Variants in ADGRG3 observed in about 807,000 individuals in gnomAD.
The protein encoded by ADGRG3 is adhesion G protein-coupled receptor G3, also known as G protein-coupled receptor 97.
ADGRG3 carries 39 observed loss-of-function variants against 54.3 expected under a neutral mutation model. The observed-to-expected ratio is 0.72, with a 90% CI of 0.56 to 0.94. The LOEUF is 0.94. Among genes scored for constraint, ADGRG3 ranks in the 40% least tolerant of loss-of-function variants. ADGRG3 has a pLI of 0.00. For synonymous variants in ADGRG3, 312 were observed against 290.0 expected (o/e 1.08, Z -0.77); for missense variants, 654 against 694.6 (o/e 0.94, Z 0.66).
intron 10 of ADGRG3, among the ~76,000 whole-genome samples, chr16:57,685,131 C>T (rs1382234948): frequency 6.6e-6 from 1 of 152,198 alleles, no homozygotes; most frequent in Non-Finnish European, 1.5e-5. Flanking sequence ...CCACTGGGCC[C>T]ATGGCTCTGT....
In ADGRG3 at chr16:57,688,653, G is replaced by T. The variant is rs1401115660; in HGVS notation, c.*192G>T. On this transcript the variant is annotated 3_prime_UTR_variant, in exon 12 of 12. Transcript: ENST00000333493. ...TCCAACTATAGGTCCAAGAGTCCAC[G>T]TAAGCAGGTTTGCAAGGCTCTAAAG... The T allele has an allele frequency of 6.8e-6, 4 of 584,934 alleles. No individual in the cohort carries two copies. The highest frequency in any genetic ancestry group is 1.9e-5 in the African/African-American group (1 of 53,594). 36.2% of individuals were successfully genotyped at this position (584,934 alleles called of 1,614,324 possible).
At chr16:57,676,731 G>C (rs763833972) in intron 3 of ADGRG3, among the ~76,000 whole-genome samples, 2 of 152,242 alleles carry the variant, frequency 1.3e-5, no homozygotes, top group Non-Finnish European at 2.9e-5. Context: ...CAGGTGCAGT[G>C]GTGCACACCC....
Position 57,684,011 on chromosome 16 carries a change from C to G in ADGRG3, c.961C>G (p.Leu321Val), listed in dbSNP as rs1374362374. Residue 321 changes from leucine (L) to valine (V), a missense_variant, in exon 9 of 12, where the codon CTG becomes GTG. Leu to Val is a conservative substitution (Grantham distance 32, BLOSUM62 1). Coordinates refer to ENST00000333493, the MANE Select transcript of ADGRG3 (RefSeq NM_170776.5). ...ALGGSLFLLN[L>V]AFLVNVGSGS... Reference sequence around the variant, plus strand: ...GGGTGGCAGCCTGTTCCTCCTGAATCTGGCCTTCTTGGTCAATGTGGGGAG... The same window carrying G: ...GGGTGGCAGCCTGTTCCTCCTGAATGTGGCCTTCTTGGTCAATGTGGGGAG... 1.9e-6 allele frequency: 3 copies of G among 1,611,284 alleles called. No homozygotes were observed. Among genetic ancestry groups the G allele is most frequent in the Non-Finnish European group, 2.5e-6 (3 of 1,177,992 alleles).
intron 6 of ADGRG3, 144 bp from the exon 7 acceptor site, chr16:57,680,116 CTATAT>C: frequency 2.0e-6 from 1 of 507,394 alleles, no homozygotes; most frequent in African/African-American, 2.8e-5. Flanking sequence ...CCTCCCCTCC[CTATAT>C]TCCCTTCCCC....
chr16:57,683,796 G>A (rs2048419679), intron 8 of ADGRG3, 136 bp from the exon 9 acceptor site: 6 of 627,972 alleles, frequency 9.6e-6, no homozygotes, highest in Non-Finnish European at 1.5e-5. Context: ...CGGCAGGGAT[G>A]GAAGCTGGAT....
chr16:57,684,858 C>A (rs1043787834), intron 10 of ADGRG3, among the ~76,000 whole-genome samples: 2 of 152,174 alleles, frequency 1.3e-5, no homozygotes, highest in Non-Finnish European at 2.9e-5. Context: ...TCAGCCCCCA[C>A]CTGCTGCCCA....
chr16:57,677,184 A>G (rs1349412085), intron 3 of ADGRG3, among the ~76,000 whole-genome samples: 5 of 152,224 alleles, frequency 3.3e-5, no homozygotes, highest in Non-Finnish European at 7.3e-5. Flanking sequence ...CTTCAGCTCC[A>G]GCCATAAACC....
At chr16:57,679,511 C>CCA (rs2148706025) in intron 5 of ADGRG3, among the ~76,000 whole-genome samples, 200 bp downstream of exon 5, 1 of 152,232 alleles carries the variant, frequency 6.6e-6, no homozygotes, top group South Asian at 2.1e-4. Flanking sequence ...CCTGGCAAGC[C>CCA]CACCTGCATA....
At chr16:57,671,556 A>G (rs770710840) in intron 1 of ADGRG3, among the ~76,000 whole-genome samples, 3 of 151,992 alleles carry the variant, frequency 2.0e-5, no homozygotes, top group Non-Finnish European at 2.9e-5. Flanking sequence ...GCTGGTCTCA[A>G]ACTCCTGACC....
chr16:57,685,190 C>T (rs543264517), intron 10 of ADGRG3, among the ~76,000 whole-genome samples: 1 of 152,164 alleles, frequency 6.6e-6, no homozygotes, highest in African/African-American at 2.4e-5. Context: ...GCCTCAAAAG[C>T]AGGGGCCCCA....
In ADGRG3 at chr16:57,680,512, C is replaced by T. The variant is rs1167194382; in HGVS notation, c.776C>T (p.Thr259Ile). The T allele has an allele frequency of 2.5e-6, 4 of 1,613,640 alleles. No individual in the cohort carries two copies. The highest frequency in any genetic ancestry group is 4.5e-5 in the East Asian group (2 of 44,784). ...LTFFALLLRP[T>I]LDQSTVHILT... ...TTCTGGGGTCACCCACAGAGACCCA[C>T]CTTGGACCAGTCCACGGTGCATATC... The change falls in exon 8 of 12, where the codon ACC (threonine) becomes ATC (isoleucine). Residue 259 changes from threonine (T) to isoleucine (I), a missense_variant. Transcript: ENST00000333493.
intron 1 of ADGRG3, 34 bp from the exon 2 acceptor site, chr16:57,673,287 C>T (rs771109494): frequency 1.9e-5 from 30 of 1,589,674 alleles, no homozygotes; most frequent in Non-Finnish European, 2.4e-5. Flanking sequence ...CATCTTCGTC[C>T]AGCCCATTCA....
intron 2 of ADGRG3, 80 bp from the exon 3 acceptor site, chr16:57,676,120 C>T: frequency 7.4e-7 from 1 of 1,353,814 alleles, no homozygotes; most frequent in Non-Finnish European, 1.0e-6. Context: ...TTTGGGTCAG[C>T]CCTCTCACCC....
At chr16:57,681,006 T>C in intron 8 of ADGRG3, 1 of 209,296 alleles carries the variant, frequency 4.8e-6, no homozygotes, top group Non-Finnish European at 1.0e-5. Context: ...GACAGTCACA[T>C]CGGGCAGCTT....
At chr16:57,684,680 T>A (rs1366979674) in intron 10 of ADGRG3, among the ~76,000 whole-genome samples, 197 bp downstream of exon 10, 1 of 151,448 alleles carries the variant, frequency 6.6e-6, no homozygotes, top group East Asian at 1.9e-4. Context: ...GGAAGTGAAA[T>A]GAGAGAGGGG....
At chr16:57,671,248 T>C (rs1439571783) in intron 1 of ADGRG3, among the ~76,000 whole-genome samples, 1 of 151,378 alleles carries the variant, frequency 6.6e-6, no homozygotes, top group Non-Finnish European at 1.5e-5. Context: ...AGTGAGAGTA[T>C]AAATAGGTAC....
rs140367890 is a variant in ADGRG3 at position 57,678,521 on chromosome 16, C to G, written c.492+205C>G. 907 of 587,582 alleles carry G rather than the reference C, an allele frequency of 1.5e-3. 4 individuals carry two copies. The highest frequency in any genetic ancestry group is 0.014 in the African/African-American group (749 of 53,886). 36.4% of individuals were successfully genotyped at this position (587,582 alleles called of 1,614,324 possible). ...TTCAGACTCACACTGGTCACACGCTCTCAGATGTTTGACCCCCACACATGA... is the reference window on the plus strand; with the variant it reads ...TTCAGACTCACACTGGTCACACGCTGTCAGATGTTTGACCCCCACACATGA... On this transcript the variant is annotated intron_variant, in intron 4 of 11. Transcript: ENST00000333493.
intron 8 of ADGRG3, chr16:57,682,774 G>C: frequency 2.7e-6 from 1 of 375,096 alleles, no homozygotes; most frequent in Non-Finnish European, 3.7e-6. Flanking sequence ...TGGACAGGGA[G>C]TCTGGAGCCC....
At chr16:57,669,141 T>G (rs76075739) in intron 1 of ADGRG3, among the ~76,000 whole-genome samples, 29 of 152,312 alleles carry the variant, frequency 1.9e-4, no homozygotes, top group Non-Finnish European at 3.4e-4. Context: ...TGCTCCCCCG[T>G]TAGTGCTCCC....
Sources: allele counts gnomAD v4.1 joint callset (sites outside exome capture counted in the v4.1 genomes callset), GRCh38; gene constraint gnomAD v4.1.1; transcripts MANE v1.5; gene names NCBI Gene and HGNC (gene_info 2026-07-23, HGNC 2026-07-21).